The following DACH2 variants were observed in gnomAD, a reference collection of about 807,000 sequenced individuals.
The protein encoded by DACH2 is dachshund family transcription factor 2.
DACH2 carries 17 observed loss-of-function variants against 35.8 expected under a neutral mutation model. The observed-to-expected ratio is 0.48, with a 90% CI of 0.33 to 0.71. The LOEUF is 0.71. DACH2 is among the 30% of genes least tolerant of loss of function. The pLI is 0.02. For synonymous variants in DACH2, 195 were observed against 177.3 expected, an observed-to-expected ratio of 1.10 and a Z score of -0.79; for missense variants, 469 against 472.7, an observed-to-expected ratio of 0.99 and a Z score of 0.07.
At chrX:86,693,560 C>T (rs2041032917) in intron 4 of DACH2, among the ~76,000 whole-genome samples, 1 of 112,040 alleles carries the variant, frequency 8.9e-6, no homozygotes, top group Admixed American at 9.5e-5. Context: ...CTTAAACAAT[C>T]CTTTCAGAGA....
intron 2 of DACH2, among the ~76,000 whole-genome samples, chrX:86,399,068 C>T (rs990412781): frequency 3.6e-5 from 4 of 111,678 alleles, no homozygotes; most frequent in Non-Finnish European, 7.5e-5. Flanking sequence ...TCTCGGTCCT[C>T]CTGTATTGGG....
intron 2 of DACH2, among the ~76,000 whole-genome samples, chrX:86,464,840 TA>T (rs774803798): frequency 8.9e-6 from 1 of 111,747 alleles, no homozygotes; most frequent in Non-Finnish European, 1.9e-5. Flanking sequence ...AGTCTCTCAA[TA>T]AAAAAACACA....
chrX:86,602,520 A>G (rs1418255111), intron 3 of DACH2, among the ~76,000 whole-genome samples: 1 of 112,103 alleles, frequency 8.9e-6, no homozygotes, highest in Non-Finnish European at 1.9e-5. Flanking sequence ...TGGTAATATC[A>G]GTTTTGTTGG....
At chrX:86,582,617 A>T (rs1080779) in intron 3 of DACH2, among the ~76,000 whole-genome samples, 5,482 of 110,400 alleles carry the variant, frequency 0.05, 119 homozygotes, top group Middle Eastern at 0.1. Context: ...CTAGAATTAA[A>T]TGAATATATT....
intron 1 of DACH2, among the ~76,000 whole-genome samples, chrX:86,261,143 G>A (rs960257048): frequency 1.3e-4 from 15 of 112,130 alleles, no homozygotes; most frequent in African/African-American, 4.9e-4. Context: ...AGTTCTAGGA[G>A]CTAAAGAGTT....
rs755604431 is a variant in DACH2, at chrX:86,426,954, A to G, written c.527+50092A>G. On this transcript the variant is annotated intron_variant, in intron 2 of 11. Transcript: ENST00000373125. ...TTTGCTTTTTTAATATATTTCATTT[A>G]GAAAGTGCCTATCAGGCAAAATGCA... is the stretch of plus-strand genomic sequence containing the variant. Among the ~76,000 whole-genome samples the G allele has an allele frequency of 8.2e-4, 92 of 112,712 alleles. 1 individual carries two copies. Among genetic ancestry groups the G allele is most frequent in the Non-Finnish European group, 1.3e-3 (67 of 53,130 alleles).
At chrX:86,400,173 C>T (rs1015883943) in intron 2 of DACH2, among the ~76,000 whole-genome samples, 59 of 111,770 alleles carry the variant, frequency 5.3e-4, no homozygotes, top group Non-Finnish European at 8.3e-4. Context: ...TTGATCGCAT[C>T]GGCTACTGAG....
At chrX:86,756,217 T>A (rs1259569357) in intron 7 of DACH2, among the ~76,000 whole-genome samples, 1 of 111,593 alleles carries the variant, frequency 9.0e-6, no homozygotes, top group African/African-American at 3.3e-5. Flanking sequence ...CTTTGGCTAT[T>A]TGGGCTCTTT....
chrX:86,675,557 G>A (rs1418424741), intron 4 of DACH2, among the ~76,000 whole-genome samples: 3 of 110,568 alleles, frequency 2.7e-5, no homozygotes, highest in East Asian at 5.7e-4. Context: ...CGTGGCACAC[G>A]CCTATAGTCT....
chrX:86,473,285 T>A (rs904885177), intron 2 of DACH2, among the ~76,000 whole-genome samples: 27 of 111,417 alleles, frequency 2.4e-4, no homozygotes, highest in African/African-American at 8.8e-4. Flanking sequence ...GAAGTCTTGA[T>A]ACAGGTATAC....
intron 7 of DACH2, among the ~76,000 whole-genome samples, chrX:86,799,813 T>G (rs1248828848): frequency 1.8e-5 from 2 of 112,104 alleles, no homozygotes; most frequent in East Asian, 5.6e-4. Context: ...GCACTTCTTT[T>G]TCTTGAACAT....
rs1014192489 is a variant in DACH2 at position 86,279,820 on chromosome X, A to G, written c.489-97004A>G. Among the ~76,000 whole-genome samples the G allele has an allele frequency of 2.7e-5, 3 of 109,758 alleles. No homozygotes were observed. In the East Asian group the frequency reaches 8.8e-4, roughly 32 times the overall value. ...TAGAATAAACAGTTTGGAGAAGAACATAAATGACCTGATGGAGCTGAAAAA... is the reference window on the plus strand; with the variant it reads ...TAGAATAAACAGTTTGGAGAAGAACGTAAATGACCTGATGGAGCTGAAAAA... On this transcript the variant is annotated intron_variant, in intron 1 of 11. Coordinates refer to ENST00000373125, the MANE Select transcript of DACH2 (RefSeq NM_053281.3).
At chrX:86,373,625 A>G (rs2035922766) in intron 1 of DACH2, among the ~76,000 whole-genome samples, 1 of 110,462 alleles carries the variant, frequency 9.1e-6, no homozygotes, top group Admixed American at 9.7e-5. Flanking sequence ...AAATAATTGA[A>G]CATCTCGGGA....
At chrX:86,579,095 A>G (rs1313849019) in intron 3 of DACH2, among the ~76,000 whole-genome samples, 1 of 105,691 alleles carries the variant, frequency 9.5e-6, no homozygotes, top group Non-Finnish European at 2.0e-5. Context: ...TTCACTTTTT[A>G]GTTTTTTTTT....
chrX:86,233,535 G>A (rs762848106), intron 1 of DACH2, among the ~76,000 whole-genome samples: 58 of 111,663 alleles, frequency 5.2e-4, no homozygotes, highest in Non-Finnish European at 9.4e-4. Flanking sequence ...CCAACTTACG[G>A]CAAGAGTTAA....
intron 2 of DACH2, among the ~76,000 whole-genome samples, chrX:86,399,210 CT>C (rs903158148): frequency 9.0e-6 from 1 of 111,447 alleles, no homozygotes; most frequent in African/African-American, 3.3e-5. Flanking sequence ...CAACCCCTGC[CT>C]TTTTTTGTTT....
At chrX:86,546,357 C>CTTCTTCTTCTTCTTCTTCTTCTTCT (rs2038959347) in intron 3 of DACH2, among the ~76,000 whole-genome samples, 4 of 50,073 alleles carry the variant, frequency 8.0e-5, no homozygotes, top group Admixed American at 2.5e-4. Context: ...CTTCTTCTTC[C>CTTCTTCTTCTTCTTCTTCTTCTTCT]TCTTCTTCTT....
intron 3 of DACH2, among the ~76,000 whole-genome samples, chrX:86,641,808 G>A (rs6623748): frequency 0.36 from 40,308 of 110,488 alleles, 6,108 homozygotes; most frequent in East Asian, 0.82. Flanking sequence ...TTTATTCAAC[G>A]TTCTTAAAGA....
chrX:86,218,983 T>C (rs1034464499), intron 1 of DACH2, among the ~76,000 whole-genome samples: 6 of 111,914 alleles, frequency 5.4e-5, no homozygotes, highest in African/African-American at 1.9e-4. Flanking sequence ...AGTTTGAATG[T>C]CCACCAAATA....
Sources: gnomAD v4.1 joint callset for allele counts (sites outside exome capture counted in the v4.1 genomes callset) on GRCh38, gnomAD v4.1.1 for gene constraint, MANE v1.5 for transcripts, NCBI Gene and HGNC (gene_info 2026-07-23, HGNC 2026-07-21) for gene names.